Variants in TAFA2 observed in about 807,000 individuals in gnomAD.
TAFA2 encodes the protein chemokine-like protein TAFA-2.
TAFA2 carries 7 observed loss-of-function variants against 18.8 expected under a neutral mutation model. That is an observed-to-expected ratio of 0.37 (90% confidence interval 0.21 to 0.70). TAFA2 has a LOEUF of 0.70. Among genes scored for constraint, TAFA2 ranks in the 30% least tolerant of loss-of-function variants. The pLI, the probability that TAFA2 is intolerant of heterozygous loss-of-function variation, is 0.53. For missense variants in TAFA2, 122 were observed against 158.1 expected (o/e 0.77, Z 1.23); for synonymous variants, 60 against 54.2 (o/e 1.11, Z -0.47).
chr12:61,900,502 G>A (rs1876050137), intron 1 of TAFA2, among the ~76,000 whole-genome samples: 1 of 152,186 alleles, frequency 6.6e-6, no homozygotes, highest in South Asian at 2.1e-4. Flanking sequence ...AAGCATGGCT[G>A]GAGAGGCCTC....
intron 4 of TAFA2, among the ~76,000 whole-genome samples, chr12:61,748,378 T>A (rs921177453): frequency 6.6e-6 from 1 of 152,066 alleles, no homozygotes; most frequent in Non-Finnish European, 1.5e-5. Context: ...GGAAGTGAGA[T>A]GAAGACAAAT....
rs560725592 is a variant in TAFA2, at chr12:61,998,240, C to T, written c.-1-130814G>A. Reference sequence around the variant, plus strand: ...CAATATGAGGGGAAATAACAGGTTTCAAGTGAAGCTACAAAATTACATCTT... The same window carrying T: ...CAATATGAGGGGAAATAACAGGTTTTAAGTGAAGCTACAAAATTACATCTT... On this transcript the variant is annotated intron_variant, in intron 1 of 4. Transcript: ENST00000416284. 2.0e-5 allele frequency among the ~76,000 whole-genome samples: 3 copies of T among 152,266 alleles called. No individual in the cohort carries two copies. In the South Asian group the frequency reaches 6.2e-4, roughly 32 times the overall value.
In TAFA2 at chr12:62,256,608, G is replaced by T. The variant is rs545687809; in HGVS notation, c.-130+2155C>A. 4.6e-5 allele frequency among the ~76,000 whole-genome samples: 7 copies of T among 152,330 alleles called. No homozygotes were observed. In the East Asian group the frequency reaches 1.3e-3, roughly 29 times the overall value. On this transcript the variant is annotated intron_variant, in intron 1 of 5. Transcript: ENST00000551619. The stretch of plus-strand genomic sequence containing the variant: ...TAGCCAAGGTTACCAGCTAGCAAGT[G>T]GCACTGAGCCAGAGTCAAAATCCAA...
At chr12:61,826,253 C>T (rs924335277) in intron 2 of TAFA2, among the ~76,000 whole-genome samples, 1 of 151,948 alleles carries the variant, frequency 6.6e-6, no homozygotes, top group Non-Finnish European at 1.5e-5. Context: ...CACAACCTGA[C>T]AGTACTACCC....
intron 4 of TAFA2, among the ~76,000 whole-genome samples, chr12:61,720,170 G>T (rs1869836764): frequency 6.6e-6 from 1 of 151,858 alleles, no homozygotes; most frequent in African/African-American, 2.4e-5. Flanking sequence ...TATTTATAAT[G>T]CTTAGATGCA....
intron 1 of TAFA2, among the ~76,000 whole-genome samples, chr12:61,902,454 C>T (rs1024996960): frequency 6.6e-6 from 1 of 152,190 alleles, no homozygotes; most frequent in Admixed American, 6.5e-5. Context: ...AACATGAACA[C>T]AGTTGAGCAT....
chr12:62,121,375 A>T (rs1215338518), intron 1 of TAFA2, among the ~76,000 whole-genome samples: 1 of 152,186 alleles, frequency 6.6e-6, no homozygotes, highest in Admixed American at 6.6e-5. Flanking sequence ...GATTAAGTCC[A>T]AAGTCCACAA....
At chr12:61,773,259 A>G (rs1870110602) in intron 2 of TAFA2, among the ~76,000 whole-genome samples, 1 of 152,100 alleles carries the variant, frequency 6.6e-6, no homozygotes, top group Admixed American at 6.6e-5. Flanking sequence ...TAGAATCAAT[A>G]TTGTAAAAAT....
chr12:62,149,697 T>C (rs996312965), intron 1 of TAFA2, among the ~76,000 whole-genome samples: 2 of 151,786 alleles, frequency 1.3e-5, no homozygotes, highest in African/African-American at 4.8e-5. Context: ...TATTAATAAC[T>C]ATGACAAAAT....
chr12:62,028,762 G>A (rs954073077), intron 1 of TAFA2, among the ~76,000 whole-genome samples: 3 of 152,130 alleles, frequency 2.0e-5, no homozygotes, highest in Admixed American at 2.0e-4. Flanking sequence ...TAGAAGCCAG[G>A]AATAAATGTG....
At chr12:61,771,212 A>G (rs1277585261) in intron 2 of TAFA2, among the ~76,000 whole-genome samples, 2 of 152,066 alleles carry the variant, frequency 1.3e-5, no homozygotes, top group Non-Finnish European at 2.9e-5. Flanking sequence ...TCCTAAATAT[A>G]TATGCACCTA....
At chr12:61,932,370 G>C (rs1274207817) in intron 1 of TAFA2, among the ~76,000 whole-genome samples, 2 of 152,164 alleles carry the variant, frequency 1.3e-5, no homozygotes, top group African/African-American at 2.4e-5. Context: ...TCCCAAGACT[G>C]AGAAAAGAAA....
At chr12:61,934,338 AC>A (rs1877678844) in intron 1 of TAFA2, among the ~76,000 whole-genome samples, 4 of 152,182 alleles carry the variant, frequency 2.6e-5, no homozygotes, top group African/African-American at 9.7e-5. Flanking sequence ...GCTAACAGTG[AC>A]CCAGGATCAC....
intron 2 of TAFA2, among the ~76,000 whole-genome samples, chr12:61,805,448 T>A (rs915631049): frequency 6.6e-6 from 1 of 152,100 alleles, no homozygotes; most frequent in Admixed American, 6.6e-5. Flanking sequence ...TTTATATTTT[T>A]CATTGTAAAC....
chr12:61,856,071 T>C (rs144111969), intron 2 of TAFA2, among the ~76,000 whole-genome samples: 307 of 152,228 alleles, frequency 2.0e-3, no homozygotes, highest in African/African-American at 6.6e-3. Flanking sequence ...TTGATCTATC[T>C]ATTGATAGAT....
chr12:62,184,376 C>G (rs2062570925), intron 1 of TAFA2, among the ~76,000 whole-genome samples: 1 of 151,944 alleles, frequency 6.6e-6, no homozygotes, highest in South Asian at 2.1e-4. Flanking sequence ...CAGAAACTAT[C>G]TGCTAGATTT....
At chr12:62,151,276 A>G (rs141071671) in intron 1 of TAFA2, among the ~76,000 whole-genome samples, 1 of 149,142 alleles carries the variant, frequency 6.7e-6, no homozygotes, top group African/African-American at 2.6e-5. Flanking sequence ...GCCTCTAAGA[A>G]GCAGAATGCA....
chr12:61,735,138 C>A (rs1868282408), intron 4 of TAFA2, among the ~76,000 whole-genome samples: 1 of 151,976 alleles, frequency 6.6e-6, no homozygotes, highest in African/African-American at 2.4e-5. Flanking sequence ...AGCAGGAAGT[C>A]ATTTATGTGG....
At chr12:62,165,708 T>C (rs1763950065) in intron 1 of TAFA2, among the ~76,000 whole-genome samples, 1 of 151,992 alleles carries the variant, frequency 6.6e-6, no homozygotes, top group Non-Finnish European at 1.5e-5. Flanking sequence ...TCATATCCTT[T>C]CTTTTTACTT....
Sources: gnomAD v4.1 joint callset for allele counts (sites outside exome capture counted in the v4.1 genomes callset) on GRCh38, gnomAD v4.1.1 for gene constraint, MANE v1.5 for transcripts, NCBI Gene and HGNC (gene_info 2026-07-23, HGNC 2026-07-21) for gene names.